Variants in DCPS observed in about 807,000 individuals in gnomAD.
The protein encoded by DCPS is decapping enzyme, scavenger.
In DCPS, 27 loss-of-function variants were observed where a neutral mutation model predicts 34.7. The observed-to-expected ratio is 0.78, with a 90% CI of 0.57 to 1.07. The LOEUF (loss-of-function observed/expected upper bound fraction) is 1.07, where lower values mean the gene tolerates loss of function less well. Ranked by LOEUF, DCPS falls within the 50% of genes least tolerant of loss-of-function variation. The probability of loss-of-function intolerance (pLI) is 0.00; values close to 1 mark genes in which losing one functional copy is unlikely to be tolerated. For synonymous variants in DCPS, 185 were observed against 185.7 expected (o/e 1.00, Z 0.03); for missense variants, 464 against 436.9 (o/e 1.06, Z -0.55).
chr11:126,348,143 C>T lies in DCPS; in HGVS notation c.*2530C>T, dbSNP rs776173230. Among the ~76,000 whole-genome samples, 6 of 152,130 alleles carry T rather than the reference C, an allele frequency of 3.9e-5. No individual in the cohort carries two copies. Among genetic ancestry groups the T allele is most frequent in the Non-Finnish European group, 8.8e-5 (6 of 68,024 alleles). On this transcript the variant is annotated 3_prime_UTR_variant, in exon 6 of 6. Coordinates refer to ENST00000263579, the MANE Select transcript of DCPS (RefSeq NM_014026.6). The surrounding 1 kb of genome is among the most constrained non-coding windows in gnomAD (Gnocchi z 5.3). ...GACAGAGTTCACCCAACAGGACAGA[C>T]GAGGCTGGCAGTCACAGCAGAGGGC...
At position 126,344,655 on chromosome 11, in the gene DCPS, C is replaced by T. The variant is rs533200654; in HGVS notation, c.748-692C>T. ...TGCCCACAATGGAGATGAGAGTCTC[C>T]GCTTAATTCTATGCCTCACAGCCTC... On this transcript the variant is annotated intron_variant, in intron 5 of 5. Coordinates refer to ENST00000263579, the MANE Select transcript of DCPS (RefSeq NM_014026.6). This position sits in a 1 kb window ranked among gnomAD's most constrained non-coding sequence, Gnocchi z 8.1. Among the ~76,000 whole-genome samples the T allele has an allele frequency of 4.7e-4, 72 of 152,272 alleles. No individual in the cohort carries two copies. Among genetic ancestry groups the T allele is most frequent in the African/African-American group, 1.6e-3 (66 of 41,554 alleles).
intron 2 of DCPS, among the ~76,000 whole-genome samples, chr11:126,309,024 C>CCTTT (rs1457988895): frequency 7.2e-6 from 1 of 138,410 alleles, no homozygotes; most frequent in African/African-American, 2.7e-5. Context: ...TTTCCTGCCC[C>CCTTT]TTTTTTTTTT....
In DCPS at chr11:126,346,910, T is replaced by C. The variant is rs1951935909; in HGVS notation, c.*1297T>C. 6.6e-6 allele frequency among the ~76,000 whole-genome samples: 1 copy of C among 151,886 alleles called. No individual in the cohort carries two copies. Among genetic ancestry groups the C allele is most frequent in the Non-Finnish European group, 1.5e-5 (1 of 67,962 alleles). On this transcript the variant is annotated 3_prime_UTR_variant, in exon 6 of 6. Transcript: ENST00000263579. This position sits in a 1 kb window ranked among gnomAD's most constrained non-coding sequence, Gnocchi z 4.1. ...AGAAACAGCAGAATCACGAACATGG[T>C]GAAACCCATCTCTACTAAAAAACAG... is the stretch of plus-strand genomic sequence containing the variant.
rs1369244077 is a variant in DCPS at position 126,348,235 on chromosome 11, C to T, written c.*2622C>T. Among the ~76,000 whole-genome samples the T allele has an allele frequency of 6.6e-6, 1 of 152,132 alleles. No individual in the cohort carries two copies. Among genetic ancestry groups the T allele is most frequent in the East Asian group, 1.9e-4 (1 of 5,192 alleles). ...CCACACTCTGGAAGGTTTCTCGACT[C>T]CCCCGAGGGGCTGGCCAGTTCTGTC... is the stretch of plus-strand genomic sequence containing the variant. On this transcript the variant is annotated 3_prime_UTR_variant, in exon 6 of 6. Coordinates refer to ENST00000263579, the MANE Select transcript of DCPS (RefSeq NM_014026.6). The surrounding 1 kb of genome is among the most constrained non-coding windows in gnomAD (Gnocchi z 5.3).
In DCPS at chr11:126,335,943, C is replaced by CA. The variant is rs1565378761; in HGVS notation, c.523-2336dup. Among the ~76,000 whole-genome samples the CA allele has an allele frequency of 6.6e-6, 1 of 151,136 alleles. No individual in the cohort carries two copies. Among genetic ancestry groups the CA allele is most frequent in the Non-Finnish European group, 1.5e-5 (1 of 67,744 alleles). ...AGAAAAAACAAAAAACAAAAACCAA[C>CA]AAAAAAACCTGTCTCTACTAAAAAT... On this transcript the variant is annotated intron_variant, in intron 3 of 5. Transcript: ENST00000263579. This position sits in a 1 kb window ranked among gnomAD's most constrained non-coding sequence, Gnocchi z 4.8.
Position 126,343,363 on chromosome 11 carries a change from C to T in DCPS, c.693C>T (p.Arg231=), listed in dbSNP as rs148567639. 11 of 1,614,010 alleles carry T rather than the reference C, an allele frequency of 6.8e-6. No individual in the cohort carries two copies. Among genetic ancestry groups the T allele is most frequent in the South Asian group, 4.4e-5 (4 of 91,058 alleles). Residue 231 remains arginine (R), a synonymous_variant, in exon 5 of 6, where the codon CGC becomes CGT. Transcript: ENST00000263579. ...ICHRRGIRSL[R]DLTPEHLPLL... is the part of the protein sequence containing the mutation. The stretch of plus-strand genomic sequence containing the variant: ...ATCGCCGGGGCATCAGATCCCTACG[C>T]GACCTTACTCCGGAGCACTTGCCGC...
chr11:126,342,688 A>T lies in DCPS; in HGVS notation c.637-619A>T, dbSNP rs1951884336. Among the ~76,000 whole-genome samples the T allele has an allele frequency of 1.3e-5, 2 of 151,808 alleles. No homozygotes were observed. The highest frequency in any genetic ancestry group is 4.2e-4 in the South Asian group (2 of 4,804). Reference sequence around the variant, plus strand: ...TGTCTTACAGTAGAGCTACTTGCATACATGCGATAAGACTGTAAACTCTCG... The same window carrying T: ...TGTCTTACAGTAGAGCTACTTGCATTCATGCGATAAGACTGTAAACTCTCG... On this transcript the variant is annotated intron_variant, in intron 4 of 5. Transcript: ENST00000263579. The surrounding 1 kb of genome is among the most constrained non-coding windows in gnomAD (Gnocchi z 4.4).
Position 126,347,291 on chromosome 11 carries a change from T to C in DCPS, c.*1678T>C, listed in dbSNP as rs1207867268. ...CAGGCTGGAGTGCAGTGGCACAATC[T>C]CGACTCACTGCAACCTCTGCCTCCT... On this transcript the variant is annotated 3_prime_UTR_variant, in exon 6 of 6. Transcript: ENST00000263579. The surrounding 1 kb of genome is among the most constrained non-coding windows in gnomAD (Gnocchi z 4.2). Among the ~76,000 whole-genome samples the C allele has an allele frequency of 6.7e-6, 1 of 148,350 alleles. No individual in the cohort carries two copies. Among genetic ancestry groups the C allele is most frequent in the Non-Finnish European group, 1.5e-5 (1 of 67,456 alleles).
chr11:126,342,654 A>T lies in DCPS; in HGVS notation c.637-653A>T, dbSNP rs540701136. 1.3e-5 allele frequency among the ~76,000 whole-genome samples: 2 copies of T among 151,660 alleles called. No homozygotes were observed. The highest frequency in any genetic ancestry group is 2.4e-5 in the African/African-American group (1 of 41,330). On this transcript the variant is annotated intron_variant, in intron 4 of 5. Coordinates refer to ENST00000263579, the MANE Select transcript of DCPS (RefSeq NM_014026.6). This position sits in a 1 kb window ranked among gnomAD's most constrained non-coding sequence, Gnocchi z 4.4. ...AGTCTTTCCTTCCTCCTGCACTGGGATTATTTTGTGTCTTACAGTAGAGCT... is the reference window on the plus strand; with the variant it reads ...AGTCTTTCCTTCCTCCTGCACTGGGTTTATTTTGTGTCTTACAGTAGAGCT...
chr11:126,337,075 T>G lies in DCPS; in HGVS notation c.523-1211T>G, dbSNP rs968966385. 2 of 152,252 alleles carry G rather than the reference T, an allele frequency of 1.3e-5. No homozygotes were observed. The highest frequency in any genetic ancestry group is 4.8e-5 in the African/African-American group (2 of 41,442). 9.4% of individuals were successfully genotyped at this position (152,252 alleles called of 1,614,324 possible). A position where few individuals can be genotyped will look rare whatever the true frequency, so the allele number is the denominator to read the frequency against. The stretch of plus-strand genomic sequence containing the variant: ...TGTGTGGACCATAAGGCAGTCCCCG[T>G]GCCTCTAGCCTTCGGTGATGCTACC... On this transcript the variant is annotated intron_variant, in intron 3 of 5. Coordinates refer to ENST00000263579, the MANE Select transcript of DCPS (RefSeq NM_014026.6). The surrounding 1 kb of genome is among the most constrained non-coding windows in gnomAD (Gnocchi z 5.3).
rs898403610 is a variant in DCPS, at chr11:126,347,380, T to A, written c.*1767T>A. On this transcript the variant is annotated 3_prime_UTR_variant, in exon 6 of 6. Coordinates refer to ENST00000263579, the MANE Select transcript of DCPS (RefSeq NM_014026.6). The surrounding 1 kb of genome is among the most constrained non-coding windows in gnomAD (Gnocchi z 4.2). ...CTGGGACTACAGGGGTGCGCCCCCA[T>A]GCCCAGCTAATTTTTGTATTTTTAG... Among the ~76,000 whole-genome samples, 1 of 152,080 alleles carries A rather than the reference T, an allele frequency of 6.6e-6. No homozygotes were observed. Among genetic ancestry groups the A allele is most frequent in the African/African-American group, 2.4e-5 (1 of 41,422 alleles).
chr11:126,348,998 T>G lies in DCPS; in HGVS notation c.*3385T>G, dbSNP rs1951963821. Among the ~76,000 whole-genome samples, 1 of 152,198 alleles carries G rather than the reference T, an allele frequency of 6.6e-6. No individual in the cohort carries two copies. The highest frequency in any genetic ancestry group is 2.4e-5 in the African/African-American group (1 of 41,454). On this transcript the variant is annotated 3_prime_UTR_variant, in exon 6 of 6. Transcript: ENST00000263579. This position sits in a 1 kb window ranked among gnomAD's most constrained non-coding sequence, Gnocchi z 5.3. ...ACCATTTCCCCAGAACCTAGGGTGG[T>G]GACTCACCTATAAGTGCTCAAAAAA...
rs1015439468 is a variant in DCPS at position 126,328,302 on chromosome 11, C to A, written c.377-3103C>A. On this transcript the variant is annotated intron_variant, in intron 2 of 5. Coordinates refer to ENST00000263579, the MANE Select transcript of DCPS (RefSeq NM_014026.6). This position sits in a 1 kb window ranked among gnomAD's most constrained non-coding sequence, Gnocchi z 6.6. ...AGTTTGAGGGTGGCAGCTCCCACCT[C>A]AGTGTGGCCCTGACTGAGGCTTTCG... 1.5e-4 allele frequency among the ~76,000 whole-genome samples: 23 copies of A among 152,106 alleles called. No homozygotes were observed. Among genetic ancestry groups the A allele is most frequent in the East Asian group, 1.2e-3 (6 of 5,186 alleles).
chr11:126,310,413 C>T (rs931861102), intron 2 of DCPS, among the ~76,000 whole-genome samples: 11 of 152,164 alleles, frequency 7.2e-5, no homozygotes, highest in African/African-American at 2.7e-4. Context: ...TGTGCCAGGC[C>T]CTATGCCGCG....
At chr11:126,308,351 C>T (rs150195629) in intron 2 of DCPS, among the ~76,000 whole-genome samples, 24 of 152,320 alleles carry the variant, frequency 1.6e-4, no homozygotes, top group African/African-American at 5.5e-4. Context: ...TCTGGCTTTG[C>T]AGATATCTTG....
chr11:126,305,769 G>A (rs1405175332), intron 1 of DCPS, among the ~76,000 whole-genome samples: 1 of 152,016 alleles, frequency 6.6e-6, no homozygotes, highest in East Asian at 1.9e-4. Context: ...TTTGTTTCTT[G>A]TTTTCTGTTT....
In DCPS at chr11:126,304,066, C is replaced by T. The variant is rs371807855; in HGVS notation, c.-15C>T. The T allele has an allele frequency of 1.9e-6, 3 of 1,576,902 alleles. No homozygotes were observed. The highest frequency in any genetic ancestry group is 1.8e-5 in the Admixed American group (1 of 54,168). Reference sequence around the variant, plus strand: ...CAGCGCAGGGGGCGCAGGCGCACACCGCCTCCGCGGCAGCATGGCGGACGC... The same window carrying T: ...CAGCGCAGGGGGCGCAGGCGCACACTGCCTCCGCGGCAGCATGGCGGACGC... On this transcript the variant is annotated 5_prime_UTR_variant, in exon 1 of 6. Transcript: ENST00000263579.
At position 126,337,932 on chromosome 11, in the gene DCPS, G is replaced by A. The variant is rs1028097153; in HGVS notation, c.523-354G>A. The A allele has an allele frequency of 6.8e-5, 16 of 235,128 alleles. No homozygotes were observed. Among genetic ancestry groups the A allele is most frequent in the Admixed American group, 6.0e-4 (12 of 20,036 alleles). 14.6% of individuals were successfully genotyped at this position (235,128 alleles called of 1,614,324 possible). On this transcript the variant is annotated intron_variant, in intron 3 of 5. Coordinates refer to ENST00000263579, the MANE Select transcript of DCPS (RefSeq NM_014026.6). The surrounding 1 kb of genome is among the most constrained non-coding windows in gnomAD (Gnocchi z 5.3). The stretch of plus-strand genomic sequence containing the variant: ...AGCTCTTCCCCTGAGTCCTGTGAGC[G>A]GTGGAGGGGGTCACTGCTATAGAGG...
chr11:126,343,356 C>G lies in DCPS; in HGVS notation c.686C>G (p.Ser229Cys). 1 of 1,614,046 alleles carries G rather than the reference C, an allele frequency of 6.2e-7. No homozygotes were observed. Among genetic ancestry groups the G allele is most frequent in the Non-Finnish European group, 8.5e-7 (1 of 1,179,986 alleles). ...IAICHRRGIR[S>C]LRDLTPEHLP... ...ATCTGCCATCGCCGGGGCATCAGAT[C>G]CCTACGCGACCTTACTCCGGAGCAC... Residue 229 changes from serine to cysteine, a missense_variant, in exon 5 of 6, where the codon TCC (serine) becomes TGC (cysteine). Coordinates refer to ENST00000263579, the MANE Select transcript of DCPS (RefSeq NM_014026.6).
Sources: gnomAD v4.1 joint callset for allele counts (sites outside exome capture counted in the v4.1 genomes callset) on GRCh38, gnomAD v4.1.1 for gene constraint, Gnocchi (gnomAD v3.1) non-coding constraint, MANE v1.5 for transcripts, NCBI Gene and HGNC (gene_info 2026-07-23, HGNC 2026-07-21) for gene names.